Variants in PATJ observed in about 807,000 individuals in gnomAD.
The protein encoded by PATJ is inaD-like protein.
In PATJ, 190 loss-of-function variants were observed where a neutral mutation model predicts 224.9. The ratio of observed to expected loss-of-function variants is 0.84; its 90% confidence interval spans 0.75 to 0.95. PATJ has a LOEUF of 0.95. Among genes scored for constraint, PATJ ranks in the 40% least tolerant of loss-of-function variants. PATJ has a pLI of 0.00. For missense variants in PATJ, 2,121 were observed against 2,270.3 expected, an observed-to-expected ratio of 0.93 and a Z score of 1.34; for synonymous variants, 769 against 820.3, an observed-to-expected ratio of 0.94 and a Z score of 1.07.
intron 27 of PATJ, among the ~76,000 whole-genome samples, chr1:61,936,497 A>G (rs1676906192): frequency 6.6e-6 from 1 of 151,006 alleles, no homozygotes; most frequent in Non-Finnish European, 1.5e-5. Flanking sequence ...ACAGATGGTC[A>G]TATAATTGTC....
At position 61,994,948 on chromosome 1, in the gene PATJ, C is replaced by T. The variant is rs1196656480; in HGVS notation, c.3867+4584C>T. Reference sequence around the variant, plus strand: ...TTAAATTCATGTGAGAACCATTTCCCTGTTTTCTTTTTATAACTCAGAAAA... The same window carrying T: ...TTAAATTCATGTGAGAACCATTTCCTTGTTTTCTTTTTATAACTCAGAAAA... On this transcript the variant is annotated intron_variant, in intron 28 of 43. Coordinates refer to ENST00000642238, the MANE Select transcript of PATJ (RefSeq NM_001350145.3). Among the ~76,000 whole-genome samples the T allele has an allele frequency of 3.3e-5, 5 of 152,144 alleles. No homozygotes were observed. In the East Asian group the frequency reaches 9.6e-4, roughly 29 times the overall value.
chr1:61,746,317 G>A (rs929617582), intron 1 of PATJ, among the ~76,000 whole-genome samples: 20 of 152,242 alleles, frequency 1.3e-4, no homozygotes, highest in African/African-American at 4.6e-4. Flanking sequence ...GGTCCAAGCC[G>A]TCCTCCCGAT....
chr1:61,802,874 C>T (rs1652825195), intron 12 of PATJ, among the ~76,000 whole-genome samples: 1 of 152,232 alleles, frequency 6.6e-6, no homozygotes, highest in South Asian at 2.1e-4. Context: ...CTCTGGAAAG[C>T]CTCGCCAGCT....
intron 5 of PATJ, 72 bp from the exon 6 acceptor site, chr1:61,771,359 C>A: frequency 1.1e-6 from 1 of 935,116 alleles, no homozygotes; most frequent in Non-Finnish European, 1.6e-6. Flanking sequence ...CAACAAACTG[C>A]TTAACTTTAA....
chr1:62,003,734 C>T (rs1645928863), intron 28 of PATJ, among the ~76,000 whole-genome samples: 2 of 152,310 alleles, frequency 1.3e-5, no homozygotes, highest in African/African-American at 4.8e-5. Flanking sequence ...CAGGCATCTG[C>T]CCTGTCCCAT....
chr1:61,761,745 G>A (rs966594708), intron 1 of PATJ, among the ~76,000 whole-genome samples: 4 of 151,692 alleles, frequency 2.6e-5, no homozygotes, highest in Admixed American at 6.6e-5. Flanking sequence ...GAGTGCAGTG[G>A]CATGATCATA....
intron 41 of PATJ, among the ~76,000 whole-genome samples, chr1:62,136,416 C>CT (rs770455596): frequency 6.6e-6 from 1 of 151,788 alleles, no homozygotes; most frequent in Non-Finnish European, 1.5e-5. Context: ...TGGACAAAAA[C>CT]TTTAAGCAGC....
chr1:61,815,853 A>G (rs537900349), intron 14 of PATJ, among the ~76,000 whole-genome samples: 1 of 152,322 alleles, frequency 6.6e-6, no homozygotes, highest in Admixed American at 6.5e-5. Flanking sequence ...TGACACAAGA[A>G]CAGTTTTCCC....
intron 41 of PATJ, among the ~76,000 whole-genome samples, chr1:62,145,097 G>A (rs1352785954): frequency 3.3e-5 from 5 of 152,028 alleles, no homozygotes; most frequent in South Asian, 2.1e-4. Context: ...TTACAGGTGC[G>A]AGCCACCGTG....
intron 8 of PATJ, 116 bp downstream of exon 8, chr1:61,788,088 T>A: frequency 1.6e-6 from 1 of 641,650 alleles, no homozygotes; most frequent in South Asian, 2.3e-5. Flanking sequence ...CGCTCACTAG[T>A]GAAACAGGAA....
chr1:61,845,747 A>G lies in PATJ; in HGVS notation c.2113-10283A>G, dbSNP rs904949805. Reference sequence around the variant, plus strand: ...CTGCAGAATCTTTTCTAAAGAATGAAGGGCATCCTGTGACTTTGACGTGGC... The same window carrying G: ...CTGCAGAATCTTTTCTAAAGAATGAGGGGCATCCTGTGACTTTGACGTGGC... On this transcript the variant is annotated intron_variant, in intron 17 of 43. Coordinates refer to ENST00000642238, the MANE Select transcript of PATJ (RefSeq NM_001350145.3). Among the ~76,000 whole-genome samples the G allele has an allele frequency of 1.3e-4, 20 of 152,340 alleles. No homozygotes were observed. In the East Asian group the frequency reaches 3.7e-3, roughly 28 times the overall value.
At chr1:62,087,105 G>A (rs1307995672) in intron 33 of PATJ, among the ~76,000 whole-genome samples, 2 of 152,040 alleles carry the variant, frequency 1.3e-5, no homozygotes, top group South Asian at 2.1e-4. Flanking sequence ...GCTCCTGTCC[G>A]GCGTCCGAGA....
At chr1:62,000,341 T>G (rs1569875226) in intron 28 of PATJ, among the ~76,000 whole-genome samples, 1 of 100,684 alleles carries the variant, frequency 9.9e-6, no homozygotes, top group South Asian at 4.5e-4. Flanking sequence ...ATGCTATGCC[T>G]CCCCCCTCCC....
chr1:61,841,781 A>G (rs1661139251), intron 17 of PATJ, among the ~76,000 whole-genome samples: 1 of 152,116 alleles, frequency 6.6e-6, no homozygotes, highest in Non-Finnish European at 1.5e-5. Context: ...AACGGAACTT[A>G]GGGGAACTGA....
chr1:61,865,911 A>G (rs1042598129), intron 20 of PATJ, among the ~76,000 whole-genome samples: 5 of 152,002 alleles, frequency 3.3e-5, no homozygotes, highest in South Asian at 4.1e-4. Context: ...TTTGTCCCTC[A>G]TGCAAATGCT....
chr1:62,100,010 C>T (rs948815048), intron 33 of PATJ, among the ~76,000 whole-genome samples: 3 of 152,202 alleles, frequency 2.0e-5, no homozygotes, highest in Non-Finnish European at 4.4e-5. Context: ...TAAGGATATA[C>T]TATTGCATGT....
chr1:62,087,469 C>G (rs752320969), intron 33 of PATJ, among the ~76,000 whole-genome samples: 2 of 151,962 alleles, frequency 1.3e-5, no homozygotes, highest in Non-Finnish European at 2.9e-5. Flanking sequence ...CAGGAGACAG[C>G]AGGCAAACAG....
chr1:62,036,032 A>G (rs1022154634), intron 29 of PATJ, among the ~76,000 whole-genome samples: 3 of 152,120 alleles, frequency 2.0e-5, no homozygotes, highest in Admixed American at 6.6e-5. Context: ...GGACTGAGGC[A>G]TAAGTGAGCA....
At chr1:61,783,623 T>C (rs559516450) in intron 7 of PATJ, among the ~76,000 whole-genome samples, 2 of 151,958 alleles carry the variant, frequency 1.3e-5, no homozygotes, top group East Asian at 3.9e-4. Flanking sequence ...TTTCTTCTTT[T>C]GTAGCTCAGG....
Sources: allele counts gnomAD v4.1 joint callset (sites outside exome capture counted in the v4.1 genomes callset), GRCh38; gene constraint gnomAD v4.1.1; transcripts MANE v1.5; gene names NCBI Gene and HGNC (gene_info 2026-07-23, HGNC 2026-07-21).